Variants in VSIG4 observed in about 807,000 individuals in gnomAD.
The protein encoded by VSIG4 is V-set and immunoglobulin domain-containing protein 4.
In VSIG4, 34 loss-of-function variants were observed where a neutral mutation model predicts 23.4. That is an observed-to-expected ratio of 1.45 (90% CI 1.10 to 1.93). The LOEUF (loss-of-function observed/expected upper bound fraction) is 1.93. Among genes scored for constraint, VSIG4 ranks in the 30% most tolerant of loss-of-function variants. The probability of loss-of-function intolerance (pLI) is 0.00; values close to 1 mark genes in which losing one functional copy is unlikely to be tolerated. For synonymous variants in VSIG4, 169 were observed against 120.3 expected (o/e 1.41, Z -2.65); for missense variants, 433 against 310.8 (o/e 1.39, Z -2.96).
At chrX:66,036,825 AT>A (rs1412127068) in intron 1 of VSIG4, among the ~76,000 whole-genome samples, 3 of 39,521 alleles carry the variant, frequency 7.6e-5, no homozygotes, top group African/African-American at 3.6e-4. Context: ...ATATTATTAT[AT>A]ATATAATATG....
At position 66,034,543 on chromosome X, in the gene VSIG4, A is replaced by C. The variant is rs1167438919; in HGVS notation, c.56-713T>G. On this transcript the variant is annotated intron_variant, in intron 1 of 7. Transcript: ENST00000374737. ...TCAAAACCTGCACTTTGTAAACCTG[A>C]CTTTTTTTCTGATTTCTTTTGTTTA... Among the ~76,000 whole-genome samples, 12 of 111,706 alleles carry C rather than the reference A, an allele frequency of 1.1e-4. No individual in the cohort carries two copies. The Admixed American group carries it at 1.1e-3, about 11-fold the overall frequency.
chrX:66,027,985 C>A, intron 4 of VSIG4, 65 bp downstream of exon 4: 1 of 1,054,769 alleles, frequency 9.5e-7, no homozygotes, highest in Non-Finnish European at 1.3e-6. Context: ...ATTGTGATTC[C>A]TTTCTTGGCT....
intron 3 of VSIG4, 142 bp downstream of exon 3, chrX:66,032,326 T>C (rs751115248): frequency 1.3e-6 from 1 of 755,895 alleles, no homozygotes; most frequent in Non-Finnish European, 1.9e-6. Flanking sequence ...CCAGTCCAAG[T>C]TTTTTTTCTT....
intron 3 of VSIG4, among the ~76,000 whole-genome samples, 180 bp from the exon 4 acceptor site, chrX:66,028,292 G>A (rs1351924350): frequency 2.7e-5 from 3 of 111,824 alleles, no homozygotes; most frequent in East Asian, 2.8e-4. Flanking sequence ...CATCAATCAA[G>A]GACAGAGTTT....
chrX:66,027,021 G>A (rs2085399896), intron 5 of VSIG4, among the ~76,000 whole-genome samples: 1 of 111,478 alleles, frequency 9.0e-6, no homozygotes, highest in Non-Finnish European at 1.9e-5. Context: ...CCTGACTTGG[G>A]AATTTTCAAG....
At chrX:66,036,592 A>G (rs1466837727) in intron 1 of VSIG4, among the ~76,000 whole-genome samples, 1 of 86,722 alleles carries the variant, frequency 1.2e-5, no homozygotes, top group South Asian at 4.8e-4. Context: ...AGGAAGTAAT[A>G]TTATAATATA....
At chrX:66,023,697 C>T (rs2085358852) in intron 6 of VSIG4, among the ~76,000 whole-genome samples, 1 of 111,936 alleles carries the variant, frequency 8.9e-6, no homozygotes. Context: ...GGCTGTCTCC[C>T]TTATACAGAG....
In VSIG4 at chrX:66,027,431, T is replaced by C. The variant is rs1165146212; in HGVS notation, c.835+18A>G. The C allele has an allele frequency of 8.4e-7, 1 of 1,184,348 alleles. No individual in the cohort carries two copies. Among genetic ancestry groups the C allele is most frequent in the Non-Finnish European group, 1.1e-6 (1 of 876,466 alleles). On this transcript the variant is annotated intron_variant, in intron 5 of 7. Coordinates refer to ENST00000374737, the MANE Select transcript of VSIG4 (RefSeq NM_007268.3). ...TAGAGTCAAGAAGAAAAGATAGAAA[T>C]CCTGACAATATTCCTACCTGGCCCA...
At chrX:66,024,731 G>T (rs1017156562) in intron 6 of VSIG4, among the ~76,000 whole-genome samples, 2 of 111,705 alleles carry the variant, frequency 1.8e-5, no homozygotes, top group African/African-American at 6.5e-5. Context: ...AATAAATTGT[G>T]AGCAACTTGA....
rs150213957 is a variant in VSIG4, at chrX:66,023,438, C to A, written c.941-576G>T. On this transcript the variant is annotated intron_variant, in intron 6 of 7. Transcript: ENST00000374737. ...GTGCAAAGACAGATATTTCTTTGTA[C>A]TGCCCTCTAGGTGCTTATAATTTTT... Among the ~76,000 whole-genome samples the A allele has an allele frequency of 2.7e-5, 3 of 112,134 alleles. No homozygotes were observed. The East Asian group carries it at 8.5e-4, about 32-fold the overall frequency.
intron 5 of VSIG4, among the ~76,000 whole-genome samples, chrX:66,025,797 T>C (rs1049405508): frequency 1.8e-5 from 2 of 112,042 alleles, no homozygotes; most frequent in African/African-American, 6.5e-5. Flanking sequence ...ACATTGTTAG[T>C]TTTGAAAATG....
At chrX:66,036,120 T>G (rs1430545154) in intron 1 of VSIG4, among the ~76,000 whole-genome samples, 3 of 111,335 alleles carry the variant, frequency 2.7e-5, no homozygotes, top group Admixed American at 9.6e-5. Flanking sequence ...GCATGTTTTT[T>G]CCCCTTTTAC....
chrX:66,039,044 C>G (rs2085653407), intron 1 of VSIG4, among the ~76,000 whole-genome samples: 1 of 110,001 alleles, frequency 9.1e-6, no homozygotes, highest in Non-Finnish European at 1.9e-5. Flanking sequence ...GCTTCCCAAG[C>G]TCCAAGGAAA....
In VSIG4 at chrX:66,033,733, T is replaced by G; in HGVS notation, c.153A>C (p.Gln51His). Residue 51 changes from glutamine (Q) to histidine (H), a missense_variant, in exon 2 of 8, where the codon CAA becomes CAC. By Grantham distance (24) the Gln-to-His change is conservative (BLOSUM62 0). Transcript: ENST00000374737. ...CTYDPLQGYT[Q>H]VLVKWLVQRG... is the part of the protein sequence containing the mutation. ...GTTGTACCAGCCACTTCACCAAGAC[T>G]TGGGTGTAGCCTTGCAGGGGGTCAT... 1 of 1,211,413 alleles carries G rather than the reference T, an allele frequency of 8.3e-7. No individual in the cohort carries two copies. Among genetic ancestry groups the G allele is most frequent in the Non-Finnish European group, 1.1e-6 (1 of 895,364 alleles).
In VSIG4 at chrX:66,022,389, A is replaced by G; in HGVS notation, c.1074T>C (p.Ser358=). ...PTSQNLGNNY[S]DEPCIGQEYQ... ...ACTCCTGTCCTATGCAGGGCTCATC[A>G]GAGTAGTTGTTGCCCAGATTCTGGG... is the stretch of plus-strand genomic sequence containing the variant. Residue 358 remains serine, a synonymous_variant, in exon 8 of 8, where the codon TCT becomes TCC. Transcript: ENST00000374737. 8.3e-7 allele frequency: 1 copy of G among 1,212,029 alleles called. No homozygotes were observed. Among genetic ancestry groups the G allele is most frequent in the Non-Finnish European group, 1.1e-6 (1 of 895,559 alleles).
intron 1 of VSIG4, among the ~76,000 whole-genome samples, chrX:66,037,366 T>C (rs1412063491): frequency 1.1e-4 from 2 of 17,775 alleles, no homozygotes; most frequent in African/African-American, 9.3e-4. Context: ...TATTATATAA[T>C]AATATAATAT....
chrX:66,033,900 G>T, intron 1 of VSIG4, 70 bp from the exon 2 acceptor site: 1 of 870,190 alleles, frequency 1.1e-6, no homozygotes, highest in Non-Finnish European at 1.6e-6. Context: ...AGGTGACAGT[G>T]ACAAACCTCA....
intron 6 of VSIG4, among the ~76,000 whole-genome samples, chrX:66,023,173 C>T (rs927590476): frequency 1.8e-5 from 2 of 110,541 alleles, no homozygotes; most frequent in African/African-American, 6.6e-5. Flanking sequence ...TTGCTCTTTA[C>T]CCAGGAATCT....
At chrX:66,032,215 G>A (rs1376943413) in intron 3 of VSIG4, among the ~76,000 whole-genome samples, 8 of 111,761 alleles carry the variant, frequency 7.2e-5, no homozygotes, top group Non-Finnish European at 1.3e-4. Context: ...ATTGTACTTT[G>A]TATCTGGCAA....
Sources: gnomAD v4.1 joint callset for allele counts (sites outside exome capture counted in the v4.1 genomes callset) on GRCh38, gnomAD v4.1.1 for gene constraint, MANE v1.5 for transcripts, NCBI Gene and HGNC (gene_info 2026-07-23, HGNC 2026-07-21) for gene names.